Variants in USP34 observed in about 807,000 individuals in gnomAD.
The protein encoded by USP34 is ubiquitin specific peptidase 34.
USP34 carries 70 observed loss-of-function variants against 460.3 expected under a neutral mutation model. The observed-to-expected ratio is 0.15, with a 90% confidence interval of 0.13 to 0.19. The LOEUF (loss-of-function observed/expected upper bound fraction) is 0.19, where lower values mean the gene tolerates loss of function less well. USP34 is among the 10% of genes least tolerant of loss of function. USP34 has a pLI of 1.00. For synonymous variants in USP34, 1,647 were observed against 1,405.3 expected (o/e 1.17, Z -3.85); for missense variants, 3,985 against 4,236.2 (o/e 0.94, Z 1.65).
intron 12 of USP34, 111 bp from the exon 13 acceptor site, chr2:61,349,396 C>CACTTATATAAGTATA: frequency 8.9e-7 from 1 of 1,124,308 alleles, no homozygotes; most frequent in South Asian, 1.5e-5. Flanking sequence ...GTGGAGAAAC[C>CACTTATATAAGTATA]TGCAATAAGG....
At chr2:61,212,673 T>C (rs1687302788) in intron 68 of USP34, among the ~76,000 whole-genome samples, 1 of 152,204 alleles carries the variant, frequency 6.6e-6, no homozygotes, top group South Asian at 2.1e-4. Context: ...CAGCTTCTTA[T>C]TTTTCAAAGC....
intron 5 of USP34, among the ~76,000 whole-genome samples, chr2:61,389,268 T>C (rs1422703355): frequency 1.3e-5 from 2 of 152,222 alleles, no homozygotes; most frequent in Non-Finnish European, 2.9e-5. Context: ...GTTTGAGTGA[T>C]GGTTAAACGA....
intron 34 of USP34, among the ~76,000 whole-genome samples, chr2:61,287,296 A>T (rs1393183358): frequency 6.6e-6 from 1 of 152,200 alleles, no homozygotes; most frequent in Non-Finnish European, 1.5e-5. Context: ...TGAGGTTCTC[A>T]AAAGGTTACA....
chr2:61,275,731 T>C (rs918794108), intron 41 of USP34, among the ~76,000 whole-genome samples: 15 of 152,260 alleles, frequency 9.9e-5, no homozygotes, highest in African/African-American at 2.2e-4. Context: ...GTAGACAGTA[T>C]TGTATAATGG....
In USP34 at chr2:61,376,686, C is replaced by T. The variant is rs145398414; in HGVS notation, c.1076+1677G>A. Among the ~76,000 whole-genome samples the T allele has an allele frequency of 2.3e-4, 35 of 152,232 alleles. No individual in the cohort carries two copies. In the East Asian group the frequency reaches 5.8e-3, roughly 25 times the overall value. Reference sequence around the variant, plus strand: ...TTTCTGAGACATACTCTTGCTCTGTCGCCCAGGTTGGAGTGAAAATGGCAC... The same window carrying T: ...TTTCTGAGACATACTCTTGCTCTGTTGCCCAGGTTGGAGTGAAAATGGCAC... On this transcript the variant is annotated intron_variant, in intron 8 of 79. Coordinates refer to ENST00000398571, the MANE Select transcript of USP34 (RefSeq NM_014709.4).
intron 3 of USP34, among the ~76,000 whole-genome samples, chr2:61,396,244 A>G (rs1157266679): frequency 6.6e-6 from 1 of 152,178 alleles, no homozygotes; most frequent in Non-Finnish European, 1.5e-5. Context: ...CAACTGCCTA[A>G]AAGCACAGTT....
intron 1 of USP34, among the ~76,000 whole-genome samples, chr2:61,433,015 T>C (rs958068920): frequency 6.6e-6 from 1 of 152,092 alleles, no homozygotes; most frequent in East Asian, 1.9e-4. Context: ...ATGAAGAATA[T>C]TAAAAAAAGA....
At chr2:61,388,134 G>A (rs1693223978) in intron 5 of USP34, among the ~76,000 whole-genome samples, 1 of 151,626 alleles carries the variant, frequency 6.6e-6, no homozygotes, top group African/African-American at 2.4e-5. Context: ...CACCAGCTAT[G>A]CAAGAGGCTG....
intron 75 of USP34, among the ~76,000 whole-genome samples, chr2:61,195,689 C>T (rs1435820677): frequency 6.6e-6 from 1 of 151,892 alleles, no homozygotes; most frequent in African/African-American, 2.4e-5. Context: ...ACAAAAAAAC[C>T]ATTAGCCAAA....
intron 75 of USP34, among the ~76,000 whole-genome samples, chr2:61,199,193 C>T (rs1334439164): frequency 6.6e-6 from 1 of 152,060 alleles, no homozygotes; most frequent in Non-Finnish European, 1.5e-5. Flanking sequence ...TCTTTCAAAT[C>T]TCATGGTGGT....
chr2:61,369,084 TAAAAG>T, intron 10 of USP34, among the ~76,000 whole-genome samples: 1 of 152,056 alleles, frequency 6.6e-6, no homozygotes, highest in Middle Eastern at 3.2e-3. Context: ...TCACTCATGA[TAAAAG>T]AAACGCAAAT....
At chr2:61,219,804 A>AT (rs1015889064) in intron 67 of USP34, among the ~76,000 whole-genome samples, 1 of 152,182 alleles carries the variant, frequency 6.6e-6, no homozygotes, top group South Asian at 2.1e-4. Flanking sequence ...TTAAATTTTC[A>AT]TTTTTTTGAA....
Position 61,314,726 on chromosome 2 carries a change from T to A in USP34, c.3401A>T (p.Lys1134Met). 6.3e-7 allele frequency: 1 copy of A among 1,583,542 alleles called. No individual in the cohort carries two copies. Among genetic ancestry groups the A allele is most frequent in the Non-Finnish European group, 8.6e-7 (1 of 1,169,216 alleles). Residue 1134 changes from lysine (K) to methionine (M), a missense_variant, in exon 25 of 80, where the codon AAG becomes ATG. This residue lies in a region of USP34 where 1,114 missense variants were observed against 1,122.5 expected (regional missense o/e 0.99). Transcript: ENST00000398571. ...GCACTTACTAATAAATTCTTGCTCC[T>A]TCTCCAAACCTGTTTTACCTGAAAG... The part of the protein sequence containing the change: ...YYINGKTGLE[K>M]EQEFISKCME...
intron 43 of USP34, among the ~76,000 whole-genome samples, chr2:61,261,374 T>G (rs1688873121): frequency 6.6e-6 from 1 of 152,220 alleles, no homozygotes; most frequent in Non-Finnish European, 1.5e-5. Context: ...CCCTTGAAGA[T>G]ATCCTAAGTG....
chr2:61,304,508 G>A (rs991728165), intron 27 of USP34, among the ~76,000 whole-genome samples: 1 of 152,180 alleles, frequency 6.6e-6, no homozygotes, highest in Non-Finnish European at 1.5e-5. Flanking sequence ...CCTTTTGGAG[G>A]TTATTAGATA....
intron 1 of USP34, among the ~76,000 whole-genome samples, chr2:61,429,540 T>G (rs1390238844): frequency 3.3e-5 from 5 of 152,004 alleles, no homozygotes; most frequent in African/African-American, 1.2e-4. Flanking sequence ...GGTGAATGAG[T>G]TGCTTAAGCA....
At chr2:61,356,229 T>TG (rs1249495461) in intron 10 of USP34, among the ~76,000 whole-genome samples, 1 of 150,852 alleles carries the variant, frequency 6.6e-6, no homozygotes, top group Admixed American at 6.6e-5. Flanking sequence ...GGCTCATGCC[T>TG]GTAATCCCAG....
At chr2:61,227,257 T>G in intron 61 of USP34, 39 bp from the exon 62 acceptor site, 1 of 1,563,292 alleles carries the variant, frequency 6.4e-7, no homozygotes, top group Non-Finnish European at 8.7e-7. Context: ...ACGGTAGTAG[T>G]TTTAATATCA....
At chr2:61,341,602 A>AC (rs1691603013) in intron 16 of USP34, among the ~76,000 whole-genome samples, 1 of 151,312 alleles carries the variant, frequency 6.6e-6, no homozygotes, top group African/African-American at 2.4e-5. Context: ...CTGCCATGAG[A>AC]CCCCTGCTCC....
Sources: allele counts gnomAD v4.1 joint callset (sites outside exome capture counted in the v4.1 genomes callset), GRCh38; gene constraint gnomAD v4.1.1; regional missense constraint gnomAD v4.1.1; transcripts MANE v1.5; gene names NCBI Gene and HGNC (gene_info 2026-07-23, HGNC 2026-07-21).